The following IMMP2L variants were observed in gnomAD, a reference collection of about 807,000 sequenced individuals.
IMMP2L encodes the protein mitochondrial inner membrane protease subunit 2.
IMMP2L carries 18 observed loss-of-function variants against 19.3 expected under a neutral mutation model. That is an observed-to-expected ratio of 0.93 (90% CI 0.64 to 1.38). IMMP2L has a LOEUF of 1.38. IMMP2L is among the 40% of genes most tolerant of loss of function. IMMP2L has a pLI of 0.00. For missense variants in IMMP2L, 233 were observed against 218.2 expected (o/e 1.07, Z -0.43); for synonymous variants, 76 against 73.0 (o/e 1.04, Z -0.21).
chr7:111,114,481 T>C (rs1799611456), intron 3 of IMMP2L, among the ~76,000 whole-genome samples: 1 of 152,160 alleles, frequency 6.6e-6, no homozygotes, highest in Admixed American at 6.6e-5. Flanking sequence ...CCCACACCTG[T>C]AATCCCAGCA....
chr7:111,527,722 C>A (rs577503170), intron 1 of IMMP2L, among the ~76,000 whole-genome samples: 1 of 152,260 alleles, frequency 6.6e-6, no homozygotes, highest in African/African-American at 2.4e-5. Flanking sequence ...AAGACCTGAA[C>A]ACCGTTGCTC....
At position 111,391,709 on chromosome 7, in the gene IMMP2L, A is replaced by T. The variant is rs764831829; in HGVS notation, c.239+95529T>A. ...ACAGAATGACTATCCAAAGATGCAA[A>T]TTTTTTAAAATAAAAAGCTTCAGCC... On this transcript the variant is annotated intron_variant, in intron 3 of 5. Transcript: ENST00000405709. 9.9e-6 allele frequency: 5 copies of T among 506,830 alleles called. 1 individual carries two copies. Among genetic ancestry groups the T allele is most frequent in the South Asian group, 3.5e-5 (1 of 28,678 alleles). 31.4% of individuals were successfully genotyped at this position (506,830 alleles called of 1,614,324 possible). A position where few individuals can be genotyped will look rare whatever the true frequency, so the allele number is the denominator to read the frequency against.
intron 2 of IMMP2L, among the ~76,000 whole-genome samples, chr7:111,514,408 T>C (rs1300489372): frequency 1.3e-5 from 2 of 152,006 alleles, no homozygotes; most frequent in Non-Finnish European, 2.9e-5. Context: ...TTAGGAGATA[T>C]ACCTAATGTA....
intron 3 of IMMP2L, among the ~76,000 whole-genome samples, chr7:111,100,383 G>GTA (rs967660175): frequency 4.2e-4 from 63 of 148,444 alleles, no homozygotes; most frequent in South Asian, 2.7e-3. Flanking sequence ...AAGATCAGGA[G>GTA]TATATATATA....
At chr7:110,687,934 G>A (rs1362552741) in intron 5 of IMMP2L, among the ~76,000 whole-genome samples, 1 of 151,834 alleles carries the variant, frequency 6.6e-6, no homozygotes, top group Non-Finnish European at 1.5e-5. Flanking sequence ...TACTTAACTG[G>A]CCTGGTAGCT....
At chr7:111,492,301 C>T in intron 2 of IMMP2L, 1 of 684,648 alleles carries the variant, frequency 1.5e-6, no homozygotes, top group African/African-American at 1.9e-5. Context: ...CCAGCCCACT[C>T]CAGCCCCCAA....
chr7:111,228,339 T>C (rs1813329363), intron 3 of IMMP2L, among the ~76,000 whole-genome samples: 1 of 151,900 alleles, frequency 6.6e-6, no homozygotes, highest in Non-Finnish European at 1.5e-5. Flanking sequence ...TAAAGTCAAG[T>C]CTATTTCTAT....
rs548213760 is a variant in IMMP2L, at chr7:110,826,023, C to T, written c.408+60570G>A. Among the ~76,000 whole-genome samples, 255 of 152,162 alleles carry T rather than the reference C, an allele frequency of 1.7e-3. 1 individual carries two copies. The highest frequency in any genetic ancestry group is 5.4e-3 in the African/African-American group (226 of 41,530). ...ACAAACAACCCCATCAAAAAGTGGG[C>T]GAAGGATATGAACACACACTTCTCA... is the stretch of plus-strand genomic sequence containing the variant. On this transcript the variant is annotated intron_variant, in intron 5 of 5. Coordinates refer to ENST00000405709, the MANE Select transcript of IMMP2L (RefSeq NM_032549.4).
chr7:111,292,405 T>A (rs1821209778), intron 3 of IMMP2L, among the ~76,000 whole-genome samples: 1 of 152,088 alleles, frequency 6.6e-6, no homozygotes, highest in South Asian at 2.1e-4. Flanking sequence ...TTGTTTTTCC[T>A]CCCTATGTGA....
At chr7:111,446,071 C>G (rs1372376802) in intron 3 of IMMP2L, among the ~76,000 whole-genome samples, 1 of 152,032 alleles carries the variant, frequency 6.6e-6, no homozygotes, top group Non-Finnish European at 1.5e-5. Flanking sequence ...CACGGAATCT[C>G]GCTGATTGCT....
At chr7:111,413,206 T>C (rs1239580818) in intron 3 of IMMP2L, among the ~76,000 whole-genome samples, 1 of 152,092 alleles carries the variant, frequency 6.6e-6, no homozygotes, top group African/African-American at 2.4e-5. Context: ...ATCTCAAAAG[T>C]TTAACTCATA....
chr7:111,209,430 A>C (rs2129618018), intron 3 of IMMP2L, among the ~76,000 whole-genome samples: 1 of 151,434 alleles, frequency 6.6e-6, no homozygotes, highest in South Asian at 2.1e-4. Flanking sequence ...AAAACTCACT[A>C]ATTACGGATT....
At chr7:110,815,301 T>C (rs1227135043) in intron 5 of IMMP2L, among the ~76,000 whole-genome samples, 1 of 152,230 alleles carries the variant, frequency 6.6e-6, no homozygotes, top group East Asian at 1.9e-4. Flanking sequence ...CAGCCTTGCA[T>C]CCCAGGGATG....
chr7:111,105,963 C>A (rs1288765325), intron 3 of IMMP2L, among the ~76,000 whole-genome samples: 2 of 151,844 alleles, frequency 1.3e-5, no homozygotes, highest in Admixed American at 6.6e-5. Flanking sequence ...TCCTAATGCA[C>A]CAGCAAGGGC....
At chr7:111,096,674 ATTAT>A (rs1012637829) in intron 3 of IMMP2L, among the ~76,000 whole-genome samples, 15 of 151,996 alleles carry the variant, frequency 9.9e-5, no homozygotes, top group Admixed American at 8.5e-4. Context: ...AGATGAGTAA[ATTAT>A]TTAGGGATTT....
intron 5 of IMMP2L, among the ~76,000 whole-genome samples, chr7:110,811,441 G>C (rs1438033131): frequency 6.6e-6 from 1 of 152,014 alleles, no homozygotes; most frequent in Non-Finnish European, 1.5e-5. Flanking sequence ...ACAAATATAA[G>C]GGATGGCAAT....
At chr7:111,358,489 A>T (rs954781581) in intron 3 of IMMP2L, among the ~76,000 whole-genome samples, 5 of 152,002 alleles carry the variant, frequency 3.3e-5, no homozygotes, top group African/African-American at 1.2e-4. Context: ...CTAACACAAT[A>T]ATCTTTGGTT....
rs115342244 is a variant in IMMP2L, at chr7:111,076,374, A to T, written c.240-112809T>A. ...TGCACTGCTGACATTGAAAGCTGTG[A>T]TCTATGGTTGGTAACATTTTTGTGG... On this transcript the variant is annotated intron_variant, in intron 3 of 5. Transcript: ENST00000405709. Among the ~76,000 whole-genome samples, 1,349 of 152,296 alleles carry T rather than the reference A, an allele frequency of 8.9e-3. 21 individuals carry two copies. The highest frequency in any genetic ancestry group is 0.029 in the African/African-American group (1,225 of 41,566).
At chr7:110,932,838 G>C (rs977863981) in intron 4 of IMMP2L, among the ~76,000 whole-genome samples, 1 of 152,160 alleles carries the variant, frequency 6.6e-6, no homozygotes, top group Admixed American at 6.6e-5. Context: ...ATAATTGAAA[G>C]AATAGGGTAA....
Sources: gnomAD v4.1 joint callset for allele counts (sites outside exome capture counted in the v4.1 genomes callset) on GRCh38, gnomAD v4.1.1 for gene constraint, MANE v1.5 for transcripts, NCBI Gene and HGNC (gene_info 2026-07-23, HGNC 2026-07-21) for gene names.